RCAN1: variants seen among roughly 807,000 people sequenced by gnomAD.
RCAN1 encodes the protein regulator of calcineurin 1, also known as calcipressin-1.
In RCAN1, 11 loss-of-function variants were observed where a neutral mutation model predicts 22.9. The observed-to-expected ratio is 0.48, with a 90% confidence interval of 0.30 to 0.79. The LOEUF is 0.79. RCAN1 is among the 30% of genes least tolerant of loss of function. The pLI, the probability that RCAN1 is intolerant of heterozygous loss-of-function variation, is 0.06. For missense variants in RCAN1, 291 were observed against 337.8 expected (o/e 0.86, Z 1.09); for synonymous variants, 136 against 142.3 (o/e 0.96, Z 0.32).
chr21:34,552,925 C>T (rs1986420899), intron 1 of RCAN1, among the ~76,000 whole-genome samples: 1 of 152,146 alleles, frequency 6.6e-6, no homozygotes, highest in Non-Finnish European at 1.5e-5. Flanking sequence ...TTAATCCACC[C>T]CATTTGCGCA....
intron 1 of RCAN1, among the ~76,000 whole-genome samples, chr21:34,586,322 A>C (rs1221493054): frequency 6.6e-6 from 1 of 152,210 alleles, no homozygotes; most frequent in East Asian, 1.9e-4. Flanking sequence ...CAAGTCTGAA[A>C]AAATGTCAAA....
chr21:34,578,757 G>A (rs543581382), intron 1 of RCAN1, among the ~76,000 whole-genome samples: 3 of 152,148 alleles, frequency 2.0e-5, no homozygotes, highest in Admixed American at 6.5e-5. Context: ...TGCAGGGCAT[G>A]TTACCAAGTG....
intron 1 of RCAN1, among the ~76,000 whole-genome samples, chr21:34,593,514 C>T (rs1405396720): frequency 1.3e-5 from 2 of 152,244 alleles, no homozygotes; most frequent in African/African-American, 2.4e-5. Context: ...AAGGCTAGCA[C>T]ACCTGCCACC....
chr21:34,524,291 T>G (rs1984839612), intron 1 of RCAN1: 2 of 152,702 alleles, frequency 1.3e-5, no homozygotes, highest in Admixed American at 1.3e-4. Context: ...GGTAACAAAC[T>G]TTTTTAAAAA....
intron 1 of RCAN1, among the ~76,000 whole-genome samples, chr21:34,611,295 C>T (rs1245146311): frequency 2.0e-5 from 3 of 152,110 alleles, no homozygotes; most frequent in African/African-American, 2.4e-5. Context: ...AATATTTGTA[C>T]AAACAGAAAA....
chr21:34,575,014 G>A (rs1034429424), intron 1 of RCAN1, among the ~76,000 whole-genome samples: 2 of 152,112 alleles, frequency 1.3e-5, no homozygotes, highest in Non-Finnish European at 2.9e-5. Flanking sequence ...AGAACTGCAC[G>A]GGCAGATGGG....
In RCAN1 at chr21:34,521,628, G is replaced by A. The variant is rs1248835524; in HGVS notation, c.457C>T (p.Pro153Ser). 2 of 1,613,514 alleles carry A rather than the reference G, an allele frequency of 1.2e-6. No homozygotes were observed. Among genetic ancestry groups the A allele is most frequent in the Non-Finnish European group, 1.7e-6 (2 of 1,179,746 alleles). ...AGAAACTGCTTGTCTGGATTTGGCG[G>A]AGCCAGGTGTGAGCTTCCTATGTGT... is the stretch of plus-strand genomic sequence containing the variant. Reference protein sequence around the residue: ...TLHIGSSHLAPPNPDKQFLIS... With the variant: ...TLHIGSSHLASPNPDKQFLIS... Residue 153 changes from proline (P) to serine (S), a missense_variant, in exon 3 of 4, where the codon CCG becomes TCG. Transcript: ENST00000313806.
intron 1 of RCAN1, among the ~76,000 whole-genome samples, chr21:34,534,803 G>C (rs1287399059): frequency 6.6e-6 from 1 of 152,244 alleles, no homozygotes; most frequent in Non-Finnish European, 1.5e-5. Context: ...TGCTCTGTGG[G>C]TGTCACATTC....
chr21:34,520,787 G>A (rs971973727), intron 3 of RCAN1, among the ~76,000 whole-genome samples: 2 of 152,224 alleles, frequency 1.3e-5, no homozygotes, highest in Non-Finnish European at 2.9e-5. Flanking sequence ...CACTGACTGT[G>A]AGCCAGGTGC....
Position 34,615,068 on chromosome 21 carries a change from G to C in RCAN1, c.-57C>G. 1 of 1,013,608 alleles carries C rather than the reference G, an allele frequency of 9.9e-7. No homozygotes were observed. Among genetic ancestry groups the C allele is most frequent in the Non-Finnish European group, 1.2e-6 (1 of 849,606 alleles). 62.8% of individuals were successfully genotyped at this position (1,013,608 alleles called of 1,614,324 possible). ...CGGGCTGCTCCGGGCTTGCGCGCCG[G>C]AGCCTCACGCGCTCCGGTCCGCGCC... On this transcript the variant is annotated 5_prime_UTR_variant, in exon 1 of 4. Transcript: ENST00000313806.
intron 2 of RCAN1, 62 bp downstream of exon 2, chr21:34,523,475 C>G (rs1385210828): frequency 6.5e-7 from 1 of 1,539,058 alleles, no homozygotes. Context: ...AACGTATAAG[C>G]TGCTTTACAA....
intron 1 of RCAN1, chr21:34,526,771 C>T (rs762256349): frequency 1.0e-5 from 16 of 1,605,124 alleles, no homozygotes; most frequent in East Asian, 2.2e-5. Context: ...ACAGTGAAAG[C>T]GCTACAGACC....
chr21:34,578,148 C>A (rs1050808553), intron 1 of RCAN1, among the ~76,000 whole-genome samples: 1 of 152,176 alleles, frequency 6.6e-6, no homozygotes, highest in Admixed American at 6.5e-5. Context: ...TGCAAAAACA[C>A]AAAAGAGCAA....
chr21:34,586,238 G>A (rs1987790207), intron 1 of RCAN1, among the ~76,000 whole-genome samples: 2 of 152,122 alleles, frequency 1.3e-5, no homozygotes, highest in African/African-American at 4.8e-5. Flanking sequence ...TATATATGTT[G>A]TTGTTAAGAA....
chr21:34,559,647 A>G (rs577011939), intron 1 of RCAN1: 15 of 152,334 alleles, frequency 9.8e-5, no homozygotes, highest in African/African-American at 3.1e-4. Context: ...TCTGACTGAT[A>G]ATAATTCTGT....
chr21:34,564,449 C>T (rs1401491200), intron 1 of RCAN1, among the ~76,000 whole-genome samples: 1 of 152,074 alleles, frequency 6.6e-6, no homozygotes, highest in Non-Finnish European at 1.5e-5. Flanking sequence ...AGCCAGGCTG[C>T]GATTTGGGGG....
chr21:34,592,783 T>C (rs918090481), intron 1 of RCAN1, among the ~76,000 whole-genome samples: 5 of 152,334 alleles, frequency 3.3e-5, no homozygotes, highest in African/African-American at 1.2e-4. Flanking sequence ...TGGCCAGATT[T>C]TCCTATATGA....
chr21:34,524,436 C>T (rs1182795909), intron 1 of RCAN1: 2 of 152,204 alleles, frequency 1.3e-5, no homozygotes, highest in East Asian at 1.9e-4. Context: ...ACTCCAACCC[C>T]ACCGTTCAGC....
intron 1 of RCAN1, among the ~76,000 whole-genome samples, chr21:34,581,298 G>C (rs773488285): frequency 6.6e-6 from 1 of 152,150 alleles, no homozygotes; most frequent in Non-Finnish European, 1.5e-5. Context: ...GACGCTGTTT[G>C]TAGGGTCCAA....
Sources: allele counts gnomAD v4.1 joint callset (sites outside exome capture counted in the v4.1 genomes callset), GRCh38; gene constraint gnomAD v4.1.1; transcripts MANE v1.5; gene names NCBI Gene and HGNC (gene_info 2026-07-23, HGNC 2026-07-21).